The following PAAF1 variants were observed in gnomAD, a reference collection of about 807,000 sequenced individuals.
PAAF1 encodes proteasomal ATPase-associated factor 1.
PAAF1 carries 46 observed loss-of-function variants against 52.8 expected under a neutral mutation model. The ratio of observed to expected loss-of-function variants is 0.87; its 90% CI spans 0.69 to 1.11. The LOEUF (loss-of-function observed/expected upper bound fraction) is 1.11, where lower values mean the gene tolerates loss of function less well. PAAF1 is among the 50% of genes most tolerant of loss of function. PAAF1 has a pLI of 0.00. For missense variants in PAAF1, 424 were observed against 477.4 expected, an observed-to-expected ratio of 0.89 and a Z score of 1.04; for synonymous variants, 178 against 172.8, an observed-to-expected ratio of 1.03 and a Z score of -0.24.
intron 4 of PAAF1, among the ~76,000 whole-genome samples, chr11:73,892,171 A>G (rs986491886): frequency 1.3e-5 from 2 of 152,034 alleles, no homozygotes; most frequent in Non-Finnish European, 2.9e-5. Flanking sequence ...GAAAAATACA[A>G]AAATTAGCCA....
chr11:73,926,424 C>A (rs900936957), intron 11 of PAAF1, among the ~76,000 whole-genome samples: 2 of 151,436 alleles, frequency 1.3e-5, no homozygotes, highest in South Asian at 4.3e-4. Flanking sequence ...AAAATTCTTG[C>A]GTAGTGTTCC....
At position 73,892,339 on chromosome 11, in the gene PAAF1, AAAAG is replaced by A. The variant is rs1554978218; in HGVS notation, c.282+1150_282+1153del. 7.9e-5 allele frequency among the ~76,000 whole-genome samples: 12 copies of A among 151,478 alleles called. 1 individual carries two copies. Among genetic ancestry groups the A allele is most frequent in the Non-Finnish European group, 1.3e-4 (9 of 67,856 alleles). ...CACTGTCTCACCAAAAAAAAAAAAA[AAAAG>A]AAAGAAAGAAAAAGAGCTCTTTTTC... On this transcript the variant is annotated intron_variant, in intron 4 of 11. Transcript: ENST00000310571.
intron 10 of PAAF1, among the ~76,000 whole-genome samples, chr11:73,922,816 C>CAAAA (rs372724683): frequency 1.3e-5 from 1 of 77,666 alleles, no homozygotes. Context: ...GACTCCGTCT[C>CAAAA]AAAAAAAAAA....
Position 73,877,082 on chromosome 11 carries a change from CAG to C in PAAF1, c.47+16_47+17del. The C allele has an allele frequency of 2.0e-6, 3 of 1,525,054 alleles. No individual in the cohort carries two copies. In the African/African-American group the frequency reaches 4.2e-5, roughly 21 times the overall value. 94.5% of individuals were successfully genotyped at this position (1,525,054 alleles called of 1,614,324 possible). ...GCAAGCCCTCAGGTGAATCCAGGCC[CAG>C]AACAGAGTCAGAGGAGGCGGGTAGT... On this transcript the variant is annotated intron_variant, in intron 1 of 11. Transcript: ENST00000310571.
At chr11:73,878,648 G>T in intron 1 of PAAF1, 131 bp from the exon 2 acceptor site, 1 of 666,398 alleles carries the variant, frequency 1.5e-6, no homozygotes, top group African/African-American at 1.8e-5. Flanking sequence ...TACTCGATGA[G>T]AGGTTGGACT....
At chr11:73,908,300 T>G (rs1490971996) in intron 6 of PAAF1, among the ~76,000 whole-genome samples, 2 of 144,954 alleles carry the variant, frequency 1.4e-5, no homozygotes, top group African/African-American at 5.1e-5. Flanking sequence ...TATATGTGTG[T>G]ATATATGTAT....
At chr11:73,877,858 C>T (rs1565121235) in intron 1 of PAAF1, among the ~76,000 whole-genome samples, 1 of 152,210 alleles carries the variant, frequency 6.6e-6, no homozygotes, top group East Asian at 1.9e-4. Flanking sequence ...TGCACTCCAG[C>T]CTGGGTGACA....
At chr11:73,879,206 GC>G (rs1318041934) in intron 2 of PAAF1, 1 of 153,906 alleles carries the variant, frequency 6.5e-6, no homozygotes, top group African/African-American at 2.4e-5. Context: ...AGATATTTCT[GC>G]TTAAAGGTCT....
chr11:73,884,487 C>T (rs1243802407), intron 2 of PAAF1, among the ~76,000 whole-genome samples: 1 of 151,946 alleles, frequency 6.6e-6, no homozygotes, highest in Non-Finnish European at 1.5e-5. Flanking sequence ...AGAGCGAGAC[C>T]CTGTCTCAAA....
rs189225733 is a variant in PAAF1, at chr11:73,898,164, G to A, written c.283-982G>A. Among the ~76,000 whole-genome samples, 710 of 147,284 alleles carry A rather than the reference G, an allele frequency of 4.8e-3. 6 individuals carry two copies. Among genetic ancestry groups the A allele is most frequent in the African/African-American group, 0.016 (644 of 40,130 alleles). On this transcript the variant is annotated intron_variant, in intron 4 of 11. Coordinates refer to ENST00000310571, the MANE Select transcript of PAAF1 (RefSeq NM_025155.3). ...TCCAGCTGGGCATCAGAGGGAGACCGTGGAAAGAGAGGGAGAGGGAGACCG... is the reference window on the plus strand; with the variant it reads ...TCCAGCTGGGCATCAGAGGGAGACCATGGAAAGAGAGGGAGAGGGAGACCG...
At chr11:73,896,923 G>C (rs540570081) in intron 4 of PAAF1, among the ~76,000 whole-genome samples, 7 of 148,304 alleles carry the variant, frequency 4.7e-5, no homozygotes, top group East Asian at 4.1e-4. Flanking sequence ...GGCCGGACGG[G>C]GGGGCTGACC....
At chr11:73,903,046 C>G (rs1949667991) in intron 6 of PAAF1, among the ~76,000 whole-genome samples, 2 of 152,184 alleles carry the variant, frequency 1.3e-5, no homozygotes. Context: ...TGTAGTTGTT[C>G]CATTCTTTTG....
At chr11:73,912,646 A>T (rs1344731000) in intron 7 of PAAF1, among the ~76,000 whole-genome samples, 1 of 152,220 alleles carries the variant, frequency 6.6e-6, no homozygotes, top group Non-Finnish European at 1.5e-5. Context: ...CATTTAAGAA[A>T]ATCATAAGTC....
intron 7 of PAAF1, among the ~76,000 whole-genome samples, chr11:73,912,125 T>G (rs949879034): frequency 2.0e-5 from 3 of 152,128 alleles, no homozygotes; most frequent in Non-Finnish European, 4.4e-5. Flanking sequence ...TTTATGAAAC[T>G]CCTCTCTTCT....
chr11:73,876,904 T>A, upstream of PAAF1: 5 of 1,073,244 alleles, frequency 4.7e-6, no homozygotes, highest in South Asian at 1.0e-4. Flanking sequence ...TGTGAAAAAG[T>A]CACGTTTTCA....
chr11:73,910,415 A>G (rs1296396232), intron 7 of PAAF1, among the ~76,000 whole-genome samples: 9 of 152,192 alleles, frequency 5.9e-5, no homozygotes. Context: ...GGCAGTTTGC[A>G]TTATAGCTTG....
intron 3 of PAAF1, 106 bp downstream of exon 3, chr11:73,887,563 G>A: frequency 1.5e-6 from 1 of 665,004 alleles, no homozygotes; most frequent in South Asian, 2.7e-5. Context: ...CACTTCATTT[G>A]TATGAGAATC....
intron 6 of PAAF1, among the ~76,000 whole-genome samples, chr11:73,901,992 T>C (rs1949631367): frequency 6.6e-6 from 1 of 151,662 alleles, no homozygotes; most frequent in Non-Finnish European, 1.5e-5. Flanking sequence ...GCTTCTCAAG[T>C]AGCTGGGATC....
At chr11:73,916,423 A>T in intron 8 of PAAF1, 122 bp from the exon 9 acceptor site, 1 of 641,776 alleles carries the variant, frequency 1.6e-6, no homozygotes, top group South Asian at 2.1e-5. Context: ...TTTGAGAATA[A>T]TTAAAGGGGG....
Sources: allele counts gnomAD v4.1 joint callset (sites outside exome capture counted in the v4.1 genomes callset), GRCh38; gene constraint gnomAD v4.1.1; transcripts MANE v1.5; gene names NCBI Gene and HGNC (gene_info 2026-07-23, HGNC 2026-07-21).